Variants in TENM3 observed in about 807,000 individuals in gnomAD.
TENM3 encodes teneurin-3.
In TENM3, 63 loss-of-function variants were observed where a neutral mutation model predicts 255.1. The observed-to-expected ratio is 0.25, with a 90% CI of 0.20 to 0.30. TENM3 has a LOEUF of 0.30. Ranked by LOEUF, TENM3 falls within the 10% of genes least tolerant of loss-of-function variation. The pLI is 1.00. For synonymous variants in TENM3, 1,306 were observed against 1,322.3 expected (o/e 0.99, Z 0.27); for missense variants, 2,929 against 3,461.1 (o/e 0.85, Z 3.86).
At chr4:181,891,025 GCT>G in the TENM3 span, among the ~76,000 whole-genome samples, 1 of 152,076 alleles carries the variant, frequency 6.6e-6, no homozygotes. Context: ...ACTCAACACA[GCT>G]CTTAAAGGGC....
the TENM3 span, chr4:181,523,121 T>C: frequency 5.7e-5 from 25 of 437,494 alleles, no homozygotes; most frequent in Admixed American, 6.8e-4. Flanking sequence ...TTTAACATCA[T>C]GTATTTGTAC....
chr4:181,937,525 A>G, the TENM3 span, among the ~76,000 whole-genome samples: 1 of 152,174 alleles, frequency 6.6e-6, no homozygotes, highest in Non-Finnish European at 1.5e-5. Flanking sequence ...ATTGAACAGG[A>G]CACATGCATT....
chr4:182,527,030 C>T (rs1358996774), intron 3 of TENM3, among the ~76,000 whole-genome samples: 1 of 151,564 alleles, frequency 6.6e-6, no homozygotes, highest in African/African-American at 2.4e-5. Context: ...TATAATACAT[C>T]TGACAAATGA....
chr4:182,613,252 A>G (rs1251066519), intron 4 of TENM3, among the ~76,000 whole-genome samples: 1 of 152,236 alleles, frequency 6.6e-6, no homozygotes, highest in Admixed American at 6.5e-5. Context: ...TAATTGATAT[A>G]TGAAAACATG....
At position 182,633,435 on chromosome 4, in the gene TENM3, T is replaced by C. The variant is rs187927045; in HGVS notation, c.988+4546T>C. 6.6e-5 allele frequency among the ~76,000 whole-genome samples: 10 copies of C among 152,284 alleles called. No homozygotes were observed. In the East Asian group the frequency reaches 1.9e-3, roughly 29 times the overall value. ...CATACATGCTTTCATACCAGCTTGA[T>C]GAGCAAAAAGAGAAGAAAGGCGATA... On this transcript the variant is annotated intron_variant, in intron 5 of 27. Transcript: ENST00000511685.
chr4:182,283,389 C>CAA (rs1410635228), intron 1 of TENM3, among the ~76,000 whole-genome samples: 1 of 152,114 alleles, frequency 6.6e-6, no homozygotes, highest in African/African-American at 2.4e-5. Context: ...CTAGAGATAC[C>CAA]ATTTAGTCAT....
the TENM3 span, among the ~76,000 whole-genome samples, chr4:181,480,498 T>C: frequency 3.7e-4 from 57 of 152,122 alleles, no homozygotes; most frequent in Non-Finnish European, 6.9e-4. Context: ...ATTTTGTGAA[T>C]GAACTGGTGA....
At chr4:181,598,839 T>A in the TENM3 span, among the ~76,000 whole-genome samples, 92 of 152,328 alleles carry the variant, frequency 6.0e-4, no homozygotes, top group African/African-American at 2.2e-3. Context: ...TCAAGTATTA[T>A]GAAAATAAGA....
the TENM3 span, among the ~76,000 whole-genome samples, chr4:181,839,345 G>GTATA: frequency 2.9e-3 from 163 of 56,556 alleles, 1 homozygote; most frequent in African/African-American, 9.4e-3. Context: ...TGTATTGAGG[G>GTATA]TATATATATA....
the TENM3 span, among the ~76,000 whole-genome samples, chr4:181,839,498 A>G: frequency 6.8e-6 from 1 of 147,414 alleles, no homozygotes; most frequent in Non-Finnish European, 1.5e-5. Context: ...ATAATATATA[A>G]TACATATGAT....
rs572521723 is a variant in TENM3, at chr4:182,786,760, A to G, written c.5305-2333A>G. On this transcript the variant is annotated intron_variant, in intron 24 of 27. Coordinates refer to ENST00000511685, the MANE Select transcript of TENM3 (RefSeq NM_001080477.4). Reference sequence around the variant, plus strand: ...TGAATGCCAAGGAAAATGCAAACACATGGGCAATAATAACATGGCAGCACT... The same window carrying G: ...TGAATGCCAAGGAAAATGCAAACACGTGGGCAATAATAACATGGCAGCACT... Among the ~76,000 whole-genome samples, 48 of 152,204 alleles carry G rather than the reference A, an allele frequency of 3.2e-4. No homozygotes were observed. In the South Asian group the frequency reaches 9.7e-3, roughly 31 times the overall value.
At chr4:181,816,881 G>A in the TENM3 span, among the ~76,000 whole-genome samples, 570 of 152,258 alleles carry the variant, frequency 3.7e-3, 4 homozygotes, top group Middle Eastern at 6.8e-3. Flanking sequence ...CTTTTTGGGG[G>A]ACAAAAGTGA....
At chr4:181,604,610 A>G in the TENM3 span, among the ~76,000 whole-genome samples, 2,302 of 152,318 alleles carry the variant, frequency 0.015, 38 homozygotes, top group South Asian at 0.068. Context: ...TGCCCACGCC[A>G]GAGTGTGGCC....
intron 24 of TENM3, 46 bp downstream of exon 24, chr4:182,775,199 T>G: frequency 6.4e-7 from 1 of 1,565,256 alleles, no homozygotes; most frequent in Non-Finnish European, 8.8e-7. Context: ...CCCTCTGATC[T>G]GTGCAGATCA....
At chr4:182,077,843 C>A in the TENM3 span, among the ~76,000 whole-genome samples, 1 of 151,874 alleles carries the variant, frequency 6.6e-6, no homozygotes, top group Non-Finnish European at 1.5e-5. Context: ...TGGGAGGGGG[C>A]GTGGCACCAT....
At chr4:181,834,767 T>C in the TENM3 span, 6 of 152,208 alleles carry the variant, frequency 3.9e-5, no homozygotes, top group South Asian at 2.1e-4. Flanking sequence ...AGCCAACCTG[T>C]TGGGGACAGA....
chr4:181,619,912 A>C, the TENM3 span, among the ~76,000 whole-genome samples: 1 of 152,116 alleles, frequency 6.6e-6, no homozygotes, highest in Non-Finnish European at 1.5e-5. Context: ...AGGAAATGAA[A>C]CTTTAGGCAT....
At chr4:182,538,937 G>A (rs2095304366) in intron 3 of TENM3, among the ~76,000 whole-genome samples, 1 of 151,974 alleles carries the variant, frequency 6.6e-6, no homozygotes, top group Admixed American at 6.6e-5. Flanking sequence ...GAGACATTTT[G>A]CAGCATTCAA....
chr4:181,531,849 G>A, the TENM3 span, among the ~76,000 whole-genome samples: 1 of 152,194 alleles, frequency 6.6e-6, no homozygotes, highest in Non-Finnish European at 1.5e-5. Flanking sequence ...GCGGAGCAGA[G>A]TTGTCAGTAC....
Sources: gnomAD v4.1 joint callset for allele counts (sites outside exome capture counted in the v4.1 genomes callset) on GRCh38, gnomAD v4.1.1 for gene constraint, MANE v1.5 for transcripts, NCBI Gene and HGNC (gene_info 2026-07-23, HGNC 2026-07-21) for gene names.